Variants in PNPLA1 observed in about 807,000 individuals in gnomAD.
PNPLA1 encodes omega-hydroxyceramide transacylase.
PNPLA1 carries 36 observed loss-of-function variants against 51.7 expected under a neutral mutation model. That is an observed-to-expected ratio of 0.70 (90% confidence interval 0.53 to 0.92). The LOEUF (loss-of-function observed/expected upper bound fraction) is 0.92. Among genes scored for constraint, PNPLA1 ranks in the 40% least tolerant of loss-of-function variants. The probability of loss-of-function intolerance (pLI) is 0.00; values close to 1 mark genes in which losing one functional copy is unlikely to be tolerated. For missense variants in PNPLA1, 658 were observed against 682.5 expected (o/e 0.96, Z 0.40); for synonymous variants, 293 against 280.1 (o/e 1.05, Z -0.46).
chr6:36,297,162 C>G (rs1317598253), intron 5 of PNPLA1, among the ~76,000 whole-genome samples: 1 of 152,160 alleles, frequency 6.6e-6, no homozygotes, highest in Non-Finnish European at 1.5e-5. Context: ...TTCAATGGCC[C>G]TGGAATCACT....
In PNPLA1 at chr6:36,247,063, C is replaced by T. The variant is rs548164852; in HGVS notation, c.-81+3802C>T. 3.9e-5 allele frequency among the ~76,000 whole-genome samples: 6 copies of T among 152,232 alleles called. No homozygotes were observed. The South Asian group carries it at 8.3e-4, about 21-fold the overall frequency. On this transcript the variant is annotated intron_variant, in intron 1 of 7. Coordinates refer to the PNPLA1 transcript ENST00000312917. Reference sequence around the variant, plus strand: ...TGGTTTCACCATCCACTTACCAGCCCGCCGATGGTGCCCTGGCCTCCCAGT... The same window carrying T: ...TGGTTTCACCATCCACTTACCAGCCTGCCGATGGTGCCCTGGCCTCCCAGT...
intron 1 of PNPLA1, among the ~76,000 whole-genome samples, chr6:36,253,024 C>CA (rs1489453306): frequency 1.3e-5 from 2 of 151,944 alleles, no homozygotes; most frequent in Non-Finnish European, 2.9e-5. Context: ...TACCAAAATA[C>CA]AAAAAATTAG....
chr6:36,290,505 C>G (rs1287762475), intron 1 of PNPLA1, among the ~76,000 whole-genome samples: 2 of 152,170 alleles, frequency 1.3e-5, no homozygotes, highest in Non-Finnish European at 2.9e-5. Context: ...GTTTCCTGAT[C>G]AGTAAAAGGA....
intron 1 of PNPLA1, among the ~76,000 whole-genome samples, chr6:36,286,798 C>T (rs1770502156): frequency 6.6e-6 from 1 of 152,068 alleles, no homozygotes; most frequent in Admixed American, 6.5e-5. Flanking sequence ...CCCACCTCAA[C>T]CTCCTGAGTA....
At chr6:36,309,520 G>A (rs1001846586) in intron 8 of PNPLA1, among the ~76,000 whole-genome samples, 1 of 152,190 alleles carries the variant, frequency 6.6e-6, no homozygotes, top group African/African-American at 2.4e-5. Flanking sequence ...TCCAGGGCCA[G>A]CTCTCTTCCC....
chr6:36,302,364 C>G lies in PNPLA1; in HGVS notation c.1279C>G (p.Leu427Val), dbSNP rs1481718697. The G allele has an allele frequency of 6.2e-7, 1 of 1,608,790 alleles. No homozygotes were observed. Among genetic ancestry groups the G allele is most frequent in the Non-Finnish European group, 8.5e-7 (1 of 1,176,390 alleles). The part of the protein sequence containing the change: ...SQAPTSPRPS[L>V]GPSTVGAPQT... Reference sequence around the variant, plus strand: ...GGCACCCACTTCACCCAGGCCATCCCTGGGGCCTTCAACTGTGGGGGCACC... The same window carrying G: ...GGCACCCACTTCACCCAGGCCATCCGTGGGGCCTTCAACTGTGGGGGCACC... The change falls in exon 6 of 9, where the codon CTG (leucine) becomes GTG (valine). Residue 427 changes from leucine (L) to valine (V), a missense_variant. Transcript: ENST00000636260.
Position 36,294,859 on chromosome 6 carries a change from G to C in PNPLA1, c.714+460G>C, listed in dbSNP as rs2127347162. On this transcript the variant is annotated intron_variant, in intron 4 of 8. Transcript: ENST00000636260. This position sits in a 1 kb window ranked among gnomAD's most constrained non-coding sequence, Gnocchi z 4.2. ...GCAGAGACTGCATGTGGCCAGCAAA[G>C]CCCAAAATAAGTATTTACTATCTGG... Among the ~76,000 whole-genome samples the C allele has an allele frequency of 6.6e-6, 1 of 152,354 alleles. No homozygotes were observed. Among genetic ancestry groups the C allele is most frequent in the Non-Finnish European group, 1.5e-5 (1 of 68,038 alleles).
Position 36,291,526 on chromosome 6 carries a change from T to C in PNPLA1, c.412T>C (p.Phe138Leu), listed in dbSNP as rs1242012796. 2 of 1,388,344 alleles carry C rather than the reference T, an allele frequency of 1.4e-6. No individual in the cohort carries two copies. Among genetic ancestry groups the C allele is most frequent in the East Asian group, 4.2e-5 (1 of 24,036 alleles). 86.0% of individuals were successfully genotyped at this position (1,388,344 alleles called of 1,614,324 possible). The part of the protein sequence containing the change: ...TDGENVVVSE[F>L]TSKEELIEAL... The stretch of plus-strand genomic sequence containing the variant: ...CGGGGAGAATGTGGTGGTTTCAGAG[T>C]TCACGTCCAAGGAGGAGCTCATTGA... The change falls in exon 2 of 9, where the codon TTC (phenylalanine) becomes CTC (leucine). Residue 138 changes from phenylalanine (F) to leucine (L), a missense_variant. Physicochemically the swap from Phe to Leu is conservative, Grantham distance 22. Coordinates refer to ENST00000636260, the MANE Select transcript of PNPLA1 (RefSeq NM_001374623.1).
At chr6:36,252,385 T>G (rs1311308582) in intron 1 of PNPLA1, among the ~76,000 whole-genome samples, 1 of 152,000 alleles carries the variant, frequency 6.6e-6, no homozygotes, top group Non-Finnish European at 1.5e-5. Flanking sequence ...ATTGCTGCAG[T>G]AACGCAGCAA....
rs184423223 is a variant in PNPLA1, at chr6:36,309,265, G to A, written c.1595+1553G>A. Among the ~76,000 whole-genome samples the A allele has an allele frequency of 1.8e-3, 273 of 152,296 alleles. 7 individuals are homozygous for A. The highest frequency in any genetic ancestry group is 0.018 in the Admixed American group (272 of 15,296). ...CTGGATGACAGGTAGGTAAGGGAGG[G>A]TGCAGGACGGCAGCTCGAGGTCCCT... On this transcript the variant is annotated intron_variant, in intron 8 of 8. Coordinates refer to ENST00000636260, the MANE Select transcript of PNPLA1 (RefSeq NM_001374623.1).
At position 36,261,543 on chromosome 6, in the gene PNPLA1, G is replaced by A. The variant is rs376041634; in HGVS notation, c.-81+18282G>A. On this transcript the variant is annotated intron_variant, in intron 1 of 7. Transcript: ENST00000312917. ...TACAATTCATTCATCAGGCTTGTGAGTTTGGTGAACGTGTGTTCACCTCAG... is the reference window on the plus strand; with the variant it reads ...TACAATTCATTCATCAGGCTTGTGAATTTGGTGAACGTGTGTTCACCTCAG... 9.3e-4 allele frequency among the ~76,000 whole-genome samples: 142 copies of A among 152,352 alleles called. 1 individual carries two copies. The South Asian group carries it at 0.027, about 29-fold the overall frequency.
rs866362358 is a variant in PNPLA1, at chr6:36,282,257, A to G, written c.206-9063A>G. On this transcript the variant is annotated intron_variant, in intron 1 of 8. Transcript: ENST00000636260. ...AGGAAAGAAAGAAAGAAGGAAAGAA[A>G]GAAAGAAAGAAAGAAAGATCAAATG... Among the ~76,000 whole-genome samples, 250 of 136,336 alleles carry G rather than the reference A, an allele frequency of 1.8e-3. 1 individual carries two copies. Among genetic ancestry groups the G allele is most frequent in the Middle Eastern group, 0.015 (4 of 274 alleles). 89.4% of individuals were successfully genotyped at this position (136,336 alleles called of 152,430 possible).
chr6:36,285,672 C>G (rs548274694), intron 1 of PNPLA1, among the ~76,000 whole-genome samples: 4 of 152,126 alleles, frequency 2.6e-5, no homozygotes, highest in Non-Finnish European at 5.9e-5. Flanking sequence ...AAGTGCCCAC[C>G]GTATTCCAGG....
upstream of PNPLA1, among the ~76,000 whole-genome samples, chr6:36,266,517 T>C (rs772694385): frequency 3.9e-5 from 6 of 152,196 alleles, no homozygotes; most frequent in Non-Finnish European, 8.8e-5. Context: ...AGGGAAATCT[T>C]TCCAAGAAGC....
At chr6:36,295,232 T>C (rs1770821014) in intron 4 of PNPLA1, 132 bp from the exon 5 acceptor site, 1 of 862,272 alleles carries the variant, frequency 1.2e-6, no homozygotes, top group South Asian at 1.5e-5. Context: ...GATGGGACAC[T>C]GGATGGGTAC....
Position 36,270,416 on chromosome 6 carries a change from T to A in PNPLA1, c.-44T>A. 6.5e-7 allele frequency: 1 copy of A among 1,545,654 alleles called. No homozygotes were observed. The highest frequency in any genetic ancestry group is 8.7e-7 in the Non-Finnish European group (1 of 1,143,000). ...AGCCCAGGCTCGGGCAGGCAAGTGC[T>A]GAAGGGTGGCTCCGCCTTCCGCAGA... On this transcript the variant is annotated 5_prime_UTR_variant, in exon 1 of 9. Transcript: ENST00000636260.
At chr6:36,283,648 A>C (rs1770388011) in intron 1 of PNPLA1, among the ~76,000 whole-genome samples, 2 of 152,210 alleles carry the variant, frequency 1.3e-5, no homozygotes, top group South Asian at 2.1e-4. Flanking sequence ...TAAGAAAGAA[A>C]AAACAAAAAA....
chr6:36,253,977 G>A (rs751017657), intron 1 of PNPLA1, among the ~76,000 whole-genome samples: 3 of 152,050 alleles, frequency 2.0e-5, no homozygotes, highest in Non-Finnish European at 4.4e-5. Flanking sequence ...AGGGTATGCT[G>A]CTCCCATTCC....
chr6:36,282,781 G>A (rs1770359761), intron 1 of PNPLA1, among the ~76,000 whole-genome samples: 1 of 152,152 alleles, frequency 6.6e-6, no homozygotes, highest in South Asian at 2.1e-4. Flanking sequence ...CACCTCCTGG[G>A]TTAAAGCAAT....
Sources: gnomAD v4.1 joint callset for allele counts (sites outside exome capture counted in the v4.1 genomes callset) on GRCh38, gnomAD v4.1.1 for gene constraint, Gnocchi (gnomAD v3.1) non-coding constraint, MANE v1.5 for transcripts, NCBI Gene and HGNC (gene_info 2026-07-23, HGNC 2026-07-21) for gene names.